The following CRABP2 variants were observed in gnomAD, a reference collection of about 807,000 sequenced individuals.
CRABP2 encodes the protein cellular retinoic acid binding protein 2, also known as cellular retinoic acid-binding protein 2.
A neutral mutation model predicts 17.9 loss-of-function variants in CRABP2; 20 were observed. That is an observed-to-expected ratio of 1.12 (90% CI 0.79 to 1.63). CRABP2 has a LOEUF of 1.63. Ranked by LOEUF, CRABP2 falls within the 40% of genes most tolerant of loss-of-function variation. The pLI is 0.00. For missense variants in CRABP2, 151 were observed against 168.6 expected, an observed-to-expected ratio of 0.90 and a Z score of 0.58; for synonymous variants, 76 against 66.4, an observed-to-expected ratio of 1.14 and a Z score of -0.70.
rs1648162680 is a variant in CRABP2 at position 156,705,347 on chromosome 1, C to G, written c.70+30G>C. On this transcript the variant is annotated intron_variant, in intron 1 of 3. Coordinates refer to ENST00000368222, the MANE Select transcript of CRABP2 (RefSeq NM_001878.4). This position sits in a 1 kb window ranked among gnomAD's most constrained non-coding sequence, Gnocchi z 5.2. ...TCGAGGACTCCAGAGCCCCCCCTTG[C>G]CCCACCTGGGCCCTCGAACATTTCC... is the stretch of plus-strand genomic sequence containing the variant. The G allele has an allele frequency of 1.9e-6, 3 of 1,612,560 alleles. No homozygotes were observed. The highest frequency in any genetic ancestry group is 2.7e-5 in the African/African-American group (2 of 74,926).
At position 156,700,059 on chromosome 1, in the gene CRABP2, G is replaced by A. The variant is rs141726814; in HGVS notation, c.384C>T (p.Asp128=). ...GELILTMTAD[D]VVCTRVYVRE is the part of the protein sequence containing the mutation. The stretch of plus-strand genomic sequence containing the variant: ...GGACGTAGACCCTGGTGCACACAAC[G>A]TCATCCGCCGTCATGGTCTGGAAGG... Residue 128 remains aspartate, a synonymous_variant, in exon 4 of 4, where the codon GAC becomes GAT. Transcript: ENST00000368222. 7.7e-5 allele frequency: 125 copies of A among 1,613,572 alleles called. No individual in the cohort carries two copies. The highest frequency in any genetic ancestry group is 6.7e-4 in the East Asian group (30 of 44,848).
At chr1:156,700,476 G>T in intron 3 of CRABP2, 66 bp downstream of exon 3, 1 of 1,291,896 alleles carries the variant, frequency 7.7e-7, no homozygotes, top group South Asian at 1.2e-5. Context: ...TGCACCCTGG[G>T]GTCTCCCAGA....
At position 156,699,945 on chromosome 1, in the gene CRABP2, G is replaced by T; in HGVS notation, c.*81C>A. ...AGGGGAGCGCTATCCTAGAAGGAGG[G>T]GGTGGGACGGAGGGGGCAGTGAAGC... On this transcript the variant is annotated 3_prime_UTR_variant, in exon 4 of 4. Transcript: ENST00000368222. The T allele has an allele frequency of 7.0e-7, 1 of 1,432,242 alleles. No individual in the cohort carries two copies. The highest frequency in any genetic ancestry group is 1.2e-5 in the South Asian group (1 of 82,272). The allele number at this position is 1,432,242 out of a possible 1,614,324, so 88.7% of individuals were successfully genotyped here.
chr1:156,705,357 GC>G lies in CRABP2; in HGVS notation c.70+19del. On this transcript the variant is annotated intron_variant, in intron 1 of 3. Transcript: ENST00000368222. This position sits in a 1 kb window ranked among gnomAD's most constrained non-coding sequence, Gnocchi z 5.2. ...CAGAGCCCCCCCTTGCCCCACCTGGGCCCTCGAACATTTCCTTACCCAGCAC... is the reference window on the plus strand; with the variant it reads ...CAGAGCCCCCCCTTGCCCCACCTGGGCCTCGAACATTTCCTTACCCAGCAC... The G allele has an allele frequency of 6.2e-7, 1 of 1,613,874 alleles. No individual in the cohort carries two copies. Among genetic ancestry groups the G allele is most frequent in the East Asian group, 2.2e-5 (1 of 44,878 alleles).
chr1:156,701,018 A>T lies in CRABP2; in HGVS notation c.105T>A (p.Ala35=). The T allele has an allele frequency of 1.2e-6, 2 of 1,614,150 alleles. No homozygotes were observed. Among genetic ancestry groups the T allele is most frequent in the Non-Finnish European group, 1.7e-6 (2 of 1,180,020 alleles). ...VNVMLRKIAV[A]AASKPAVEIK... The stretch of plus-strand genomic sequence containing the variant: ...TCTCCACTGCTGGCTTGGACGCTGC[A>T]GCCACAGCAATCTTCCTCAGCATCA... Residue 35 remains alanine (A), a synonymous_variant, in exon 2 of 4, where the codon GCT becomes GCA. Coordinates refer to ENST00000368222, the MANE Select transcript of CRABP2 (RefSeq NM_001878.4).
chr1:156,702,095 G>A (rs1648054241), intron 1 of CRABP2, among the ~76,000 whole-genome samples: 1 of 152,006 alleles, frequency 6.6e-6, no homozygotes. Context: ...AGGTTGTAAT[G>A]AACCGAGATC....
rs750226423 is a variant in CRABP2, at chr1:156,700,976, G to A, written c.147C>T (p.Asp49=). 1.2e-6 allele frequency: 2 copies of A among 1,614,178 alleles called. No individual in the cohort carries two copies. Among genetic ancestry groups the A allele is most frequent in the African/African-American group, 2.7e-5 (2 of 75,036 alleles). The change falls in exon 2 of 4, where the codon GAC becomes GAT. Residue 49 remains aspartate, a synonymous_variant. Transcript: ENST00000368222. ...KPAVEIKQEG[D]TFYIKTSTTV... ...TGGTGGAGGTTTTGATGTAGAAAGTGTCTCCCTCCTGTTTGATCTCCACTG... is the reference window on the plus strand; with the variant it reads ...TGGTGGAGGTTTTGATGTAGAAAGTATCTCCCTCCTGTTTGATCTCCACTG...
chr1:156,700,718 G>A, intron 2 of CRABP2, 60 bp from the exon 3 acceptor site: 5 of 1,537,952 alleles, frequency 3.3e-6, no homozygotes, highest in Non-Finnish European at 3.6e-6. Flanking sequence ...CAGTGAGAGG[G>A]ATAAGGGAGA....
rs1195716815 is a variant in CRABP2 at position 156,700,011 on chromosome 1, T to C, written c.*15A>G. The C allele has an allele frequency of 6.2e-7, 1 of 1,612,092 alleles. No individual in the cohort carries two copies. The highest frequency in any genetic ancestry group is 1.7e-5 in the Admixed American group (1 of 59,822). ...GCCAGTGGTGGGCTTCGGCCGCGGTTCTACCTGTGGCCACTCACTCTCGGA... is the reference window on the plus strand; with the variant it reads ...GCCAGTGGTGGGCTTCGGCCGCGGTCCTACCTGTGGCCACTCACTCTCGGA... On this transcript the variant is annotated 3_prime_UTR_variant, in exon 4 of 4. Transcript: ENST00000368222.
At chr1:156,703,481 G>A (rs1267658317) in intron 1 of CRABP2, among the ~76,000 whole-genome samples, 1 of 152,200 alleles carries the variant, frequency 6.6e-6, no homozygotes, top group Non-Finnish European at 1.5e-5. Context: ...CTGTCCTGGA[G>A]TAGAGCCAGG....
chr1:156,700,869 C>T lies in CRABP2; in HGVS notation c.249+5G>A, dbSNP rs1292673425. The T allele has an allele frequency of 1.2e-6, 2 of 1,612,582 alleles. No individual in the cohort carries two copies. Among genetic ancestry groups the T allele is most frequent in the African/African-American group, 1.3e-5 (1 of 74,920 alleles). ...CATGACCCTGGAGCCCCTTCTGGCA[C>T]TCACCTTACAGGGCCTCCCATCCAC... On this transcript the variant is annotated splice_donor_5th_base_variant and intron_variant, in intron 2 of 3. Transcript: ENST00000368222.
chr1:156,704,513 C>G (rs1648138169), intron 1 of CRABP2, among the ~76,000 whole-genome samples: 1 of 152,218 alleles, frequency 6.6e-6, no homozygotes, highest in Non-Finnish European at 1.5e-5. Context: ...TCCCCTGCCC[C>G]AGATGTCTAG....
At chr1:156,704,542 C>G (rs1386834122) in intron 1 of CRABP2, among the ~76,000 whole-genome samples, 1 of 152,190 alleles carries the variant, frequency 6.6e-6, no homozygotes, top group Admixed American at 6.5e-5. Context: ...GCCCAGAGGG[C>G]ACACAGAAGG....
intron 1 of CRABP2, among the ~76,000 whole-genome samples, chr1:156,703,234 C>T (rs1571481754): frequency 1.3e-5 from 2 of 152,204 alleles, no homozygotes; most frequent in South Asian, 2.1e-4. Context: ...CAGGACCCCC[C>T]ACTCCCCTCA....
intron 3 of CRABP2, 117 bp downstream of exon 3, chr1:156,700,423 TCA>T (rs1647993253): frequency 1.3e-6 from 1 of 793,514 alleles, no homozygotes; most frequent in African/African-American, 1.7e-5. Context: ...AGCAGTCCCA[TCA>T]GCAGGGTGCG....
Position 156,705,073 on chromosome 1 carries a change from G to A in CRABP2, c.70+304C>T, listed in dbSNP as rs1648153702. 6.6e-6 allele frequency among the ~76,000 whole-genome samples: 1 copy of A among 152,196 alleles called. No individual in the cohort carries two copies. Among genetic ancestry groups the A allele is most frequent in the South Asian group, 2.1e-4 (1 of 4,838 alleles). ...TGCAGAGAGCCAGGTGCCTCGGCCC[G>A]CCGAGTCCGGCCGCTGAGGCCAGCC... On this transcript the variant is annotated intron_variant, in intron 1 of 3. Coordinates refer to ENST00000368222, the MANE Select transcript of CRABP2 (RefSeq NM_001878.4). The surrounding 1 kb of genome is among the most constrained non-coding windows in gnomAD (Gnocchi z 5.2).
intron 3 of CRABP2, 84 bp from the exon 4 acceptor site, chr1:156,700,160 G>A (rs1195704146): frequency 2.1e-6 from 3 of 1,416,252 alleles, no homozygotes; most frequent in African/African-American, 2.8e-5. Flanking sequence ...GAGGTACTCT[G>A]CTTGGCCTCC....
rs748170422 is a variant in CRABP2 at position 156,700,917 on chromosome 1, C to G, written c.206G>C (p.Gly69Ala). 1.9e-6 allele frequency: 3 copies of G among 1,614,164 alleles called. No individual in the cohort carries two copies. The South Asian group carries it at 3.3e-5, about 18-fold the overall frequency. The change falls in exon 2 of 4, where the codon GGG becomes GCG. Residue 69 changes from glycine (G) to alanine (A), a missense_variant. Transcript: ENST00000368222. ...VRTTEINFKV[G>A]EEFEEQTVDG... The stretch of plus-strand genomic sequence containing the variant: ...CACAGTCTGCTCCTCAAACTCCTCC[C>G]CAACCTTGAAGTTAATCTCTGTGGT...
At chr1:156,701,175 G>A in intron 1 of CRABP2, 123 bp from the exon 2 acceptor site, 4 of 1,073,240 alleles carry the variant, frequency 3.7e-6, no homozygotes, top group South Asian at 3.2e-5. Flanking sequence ...GTTGGGGGGT[G>A]CATCTGCCTG....
Sources: allele counts gnomAD v4.1 joint callset (sites outside exome capture counted in the v4.1 genomes callset), GRCh38; gene constraint gnomAD v4.1.1; non-coding constraint Gnocchi (gnomAD v3.1); transcripts MANE v1.5; gene names NCBI Gene and HGNC (gene_info 2026-07-23, HGNC 2026-07-21).